BCKDHB: variants seen among roughly 807,000 people sequenced by gnomAD.
BCKDHB encodes the protein branched chain keto acid dehydrogenase E1 subunit beta, also known as 2-oxoisovalerate dehydrogenase subunit beta, mitochondrial.
BCKDHB carries 41 observed loss-of-function variants against 48.5 expected under a neutral mutation model. The observed-to-expected ratio is 0.85, with a 90% CI of 0.66 to 1.10. The LOEUF (loss-of-function observed/expected upper bound fraction) is 1.10, where lower values mean the gene tolerates loss of function less well. BCKDHB is among the 50% of genes least tolerant of loss of function. The pLI, the probability that BCKDHB is intolerant of heterozygous loss-of-function variation, is 0.00. For missense variants in BCKDHB, 496 were observed against 494.2 expected, an observed-to-expected ratio of 1.00 and a Z score of -0.03; for synonymous variants, 201 against 174.8, an observed-to-expected ratio of 1.15 and a Z score of -1.18.
chr6:80,317,720 A>G (rs1299236602), intron 9 of BCKDHB, among the ~76,000 whole-genome samples: 2 of 152,364 alleles, frequency 1.3e-5, no homozygotes, highest in East Asian at 3.9e-4. Flanking sequence ...TATTCTGCAT[A>G]TCACAATCCC....
intron 6 of BCKDHB, among the ~76,000 whole-genome samples, chr6:80,186,355 G>A (rs1562118890): frequency 6.6e-6 from 1 of 152,112 alleles, no homozygotes; most frequent in Non-Finnish European, 1.5e-5. Context: ...GGGGAAAGCC[G>A]GCAGTGACAG....
At chr6:80,459,253 G>A in the BCKDHB span, among the ~76,000 whole-genome samples, 1 of 152,126 alleles carries the variant, frequency 6.6e-6, no homozygotes, top group Non-Finnish European at 1.5e-5. Flanking sequence ...CAAATGAGTA[G>A]ATAAAGAAAA....
At chr6:80,219,026 T>A (rs1350229475) in intron 8 of BCKDHB, among the ~76,000 whole-genome samples, 2 of 152,128 alleles carry the variant, frequency 1.3e-5, no homozygotes, top group Admixed American at 6.5e-5. Context: ...TTTAAATTAG[T>A]GCATTAACTG....
chr6:80,412,263 C>T, the BCKDHB span, among the ~76,000 whole-genome samples: 2 of 151,542 alleles, frequency 1.3e-5, no homozygotes, highest in Non-Finnish European at 2.9e-5. Context: ...GCTGCCTCAG[C>T]CTCTTGAGTA....
intron 8 of BCKDHB, among the ~76,000 whole-genome samples, chr6:80,209,160 A>C (rs66486409): frequency 0.11 from 16,339 of 151,858 alleles, 1,472 homozygotes; most frequent in South Asian, 0.24. Context: ...GAAGATAATT[A>C]TCTTACTCTG....
At chr6:80,399,342 T>A in the BCKDHB span, among the ~76,000 whole-genome samples, 1 of 152,150 alleles carries the variant, frequency 6.6e-6, no homozygotes, top group African/African-American at 2.4e-5. Flanking sequence ...AATTCTTATC[T>A]AGAAAACCCC....
chr6:80,330,634 A>G (rs1769277852), intron 9 of BCKDHB, among the ~76,000 whole-genome samples: 1 of 152,210 alleles, frequency 6.6e-6, no homozygotes, highest in South Asian at 2.1e-4. Flanking sequence ...TAGGAAGGAT[A>G]TGTATTTAAT....
chr6:80,119,061 T>C (rs1045670270), intron 1 of BCKDHB, among the ~76,000 whole-genome samples: 2 of 152,102 alleles, frequency 1.3e-5, no homozygotes, highest in African/African-American at 4.8e-5. Flanking sequence ...AGGCCAAGGC[T>C]GGCGGATCAT....
chr6:80,313,284 A>C (rs1315238114), intron 9 of BCKDHB, among the ~76,000 whole-genome samples: 1 of 152,014 alleles, frequency 6.6e-6, no homozygotes, highest in Non-Finnish European at 1.5e-5. Context: ...CTGATTATTT[A>C]ATATCCCAGT....
chr6:80,212,989 G>A (rs1267658118), intron 8 of BCKDHB, among the ~76,000 whole-genome samples: 1 of 151,992 alleles, frequency 6.6e-6, no homozygotes, highest in African/African-American at 2.4e-5. Flanking sequence ...AGAAATTTTT[G>A]TCTTTTGGTT....
the BCKDHB span, among the ~76,000 whole-genome samples, chr6:80,368,776 C>T: frequency 0.025 from 3,743 of 151,682 alleles, 148 homozygotes; most frequent in African/African-American, 0.086. Flanking sequence ...TTTGGGAGGC[C>T]GAGGCGGGCG....
chr6:80,391,718 C>G, the BCKDHB span, among the ~76,000 whole-genome samples: 3 of 152,126 alleles, frequency 2.0e-5, no homozygotes, highest in Non-Finnish European at 2.9e-5. Flanking sequence ...CTTAATGAAC[C>G]TGGCAGGAAA....
intron 8 of BCKDHB, among the ~76,000 whole-genome samples, chr6:80,220,304 GTTTTTT>G (rs56967096): frequency 3.3e-5 from 2 of 60,860 alleles, no homozygotes; most frequent in Non-Finnish European, 5.8e-5. Flanking sequence ...CATGCTATTT[GTTTTTT>G]TTTTTTTTTT....
chr6:80,236,028 C>T (rs1015158), intron 8 of BCKDHB, among the ~76,000 whole-genome samples: 56,428 of 152,078 alleles, frequency 0.37, 12,171 homozygotes, highest in East Asian at 0.55. Flanking sequence ...GCTGCTTTTG[C>T]AGCCTTTTAA....
intron 6 of BCKDHB, among the ~76,000 whole-genome samples, chr6:80,199,602 C>T (rs1319617908): frequency 1.3e-5 from 2 of 151,332 alleles, no homozygotes; most frequent in African/African-American, 4.9e-5. Context: ...CATGTTGAAA[C>T]CCTGTTTCTA....
At chr6:80,168,017 C>G (rs1772664395) in intron 4 of BCKDHB, among the ~76,000 whole-genome samples, 2 of 152,138 alleles carry the variant, frequency 1.3e-5, no homozygotes, top group South Asian at 4.1e-4. Context: ...AAGTGGCTCA[C>G]ATCTGCAATC....
rs1562106695 is a variant in BCKDHB, at chr6:80,171,173, CTA to C, written c.634-107_634-106del. On this transcript the variant is annotated intron_variant, in intron 5 of 9. Coordinates refer to ENST00000320393, the MANE Select transcript of BCKDHB (RefSeq NM_183050.4). ...TAGGCTTAAAATAAATAGCCAATAT[CTA>C]TTTTTAATTAGTAACAATTGATTAT... The C allele has an allele frequency of 5.5e-5, 36 of 658,082 alleles. 1 individual carries two copies. In the Admixed American group the frequency reaches 9.4e-4, roughly 17 times the overall value. 40.8% of individuals were successfully genotyped at this position (658,082 alleles called of 1,614,324 possible).
intron 6 of BCKDHB, among the ~76,000 whole-genome samples, chr6:80,179,168 A>G (rs1773299606): frequency 6.6e-6 from 1 of 152,114 alleles, no homozygotes; most frequent in African/African-American, 2.4e-5. Context: ...GACCACAGGC[A>G]TGTGCCACCA....
chr6:80,135,727 A>G lies in BCKDHB; in HGVS notation c.343+6498A>G, dbSNP rs1187637693. 5 of 152,202 alleles carry G rather than the reference A, an allele frequency of 3.3e-5. No homozygotes were observed. The East Asian group carries it at 9.6e-4, about 29-fold the overall frequency. The allele number at this position is 152,202 out of a possible 1,614,324, so 9.4% of individuals were successfully genotyped here. A position where few individuals can be genotyped will look rare whatever the true frequency, so the allele number is the denominator to read the frequency against. On this transcript the variant is annotated intron_variant, in intron 3 of 9. Transcript: ENST00000320393. Reference sequence around the variant, plus strand: ...ACCATTTTTACAGTTCAGTGTTATTAAGTACATTCACGTTGTGGTGCAATT... The same window carrying G: ...ACCATTTTTACAGTTCAGTGTTATTGAGTACATTCACGTTGTGGTGCAATT...
Sources: allele counts gnomAD v4.1 joint callset (sites outside exome capture counted in the v4.1 genomes callset), GRCh38; gene constraint gnomAD v4.1.1; transcripts MANE v1.5; gene names NCBI Gene and HGNC (gene_info 2026-07-23, HGNC 2026-07-21).